The following FRK variants were observed in gnomAD, a reference collection of about 807,000 sequenced individuals.
The protein encoded by FRK is tyrosine-protein kinase FRK.
Under a neutral mutation model 56.4 loss-of-function variants are expected in FRK, and 51 were observed. That is an observed-to-expected ratio of 0.90 (90% confidence interval 0.72 to 1.14). The LOEUF (loss-of-function observed/expected upper bound fraction) is 1.14. Among genes scored for constraint, FRK ranks in the 50% most tolerant of loss-of-function variants. The pLI, the probability that FRK is intolerant of heterozygous loss-of-function variation, is 0.00. For missense variants in FRK, 570 were observed against 601.4 expected, an observed-to-expected ratio of 0.95 and a Z score of 0.55; for synonymous variants, 245 against 217.9, an observed-to-expected ratio of 1.12 and a Z score of -1.10.
chr6:116,098,987 G>A, the FRK span, among the ~76,000 whole-genome samples: 1 of 152,096 alleles, frequency 6.6e-6, no homozygotes, highest in African/African-American at 2.4e-5. Context: ...TAAATGATGT[G>A]GACTCTCTAG....
At chr6:116,009,199 G>T (rs977574563) in intron 1 of FRK, among the ~76,000 whole-genome samples, 9 of 152,228 alleles carry the variant, frequency 5.9e-5, no homozygotes, top group African/African-American at 1.7e-4. Flanking sequence ...ACAAGAGTAG[G>T]TTACTGTCTG....
chr6:116,086,819 G>T, the FRK span, among the ~76,000 whole-genome samples: 1 of 152,190 alleles, frequency 6.6e-6, no homozygotes, highest in Non-Finnish European at 1.5e-5. Flanking sequence ...GATATTATGT[G>T]CCAGGTTGTG....
chr6:116,058,275 C>T (rs1026544815), intron 1 of FRK, among the ~76,000 whole-genome samples: 1 of 152,138 alleles, frequency 6.6e-6, no homozygotes, highest in African/African-American at 2.4e-5. Flanking sequence ...TAGATTATCA[C>T]AGAAAGCAAA....
intron 7 of FRK, among the ~76,000 whole-genome samples, 169 bp from the exon 8 acceptor site, chr6:115,942,794 C>G (rs1385537836): frequency 1.3e-5 from 2 of 152,170 alleles, no homozygotes; most frequent in East Asian, 3.9e-4. Flanking sequence ...CTAAATCCTG[C>G]AGCAAGTGAT....
At position 115,931,824 on chromosome 6, in the gene FRK, GT is replaced by G. The variant is rs1411369038; in HGVS notation, c.*10589del. The G allele has an allele frequency of 3.3e-5, 5 of 152,088 alleles. No individual in the cohort carries two copies. The highest frequency in any genetic ancestry group is 9.7e-5 in the African/African-American group (4 of 41,412). 9.4% of individuals were successfully genotyped at this position (152,088 alleles called of 1,614,324 possible). A position where few individuals can be genotyped will look rare whatever the true frequency, so the allele number is the denominator to read the frequency against. On this transcript the variant is annotated 3_prime_UTR_variant, in exon 8 of 8. Transcript: ENST00000606080. ...GTTTCTTCCAAACAGGGCAGTTTTA[GT>G]TGCTTTTAACCACTTTTTCCCAACA...
chr6:116,067,403 A>T, the FRK span, among the ~76,000 whole-genome samples: 178 of 151,728 alleles, frequency 1.2e-3, no homozygotes, highest in African/African-American at 3.9e-3. Context: ...TTATTTATTT[A>T]TTTTTTGCAG....
the FRK span, among the ~76,000 whole-genome samples, chr6:116,089,415 A>G: frequency 6.6e-6 from 1 of 152,338 alleles, no homozygotes; most frequent in South Asian, 2.1e-4. Context: ...GTAAATAAAT[A>G]GTCTTGAATG....
chr6:115,991,436 T>C (rs1413480289), intron 2 of FRK, among the ~76,000 whole-genome samples: 2 of 151,602 alleles, frequency 1.3e-5, no homozygotes, highest in Admixed American at 1.3e-4. Context: ...TTATTTTGAG[T>C]TATGTTCCTT....
chr6:115,937,548 G>C lies in FRK; in HGVS notation c.*4866C>G, dbSNP rs557375690. ...AATGGCAAATTGGATAAAGACTCAA[G>C]ACCCATCAGTGTGCTGTATTCAGGA... On this transcript the variant is annotated 3_prime_UTR_variant, in exon 8 of 8. Coordinates refer to ENST00000606080, the MANE Select transcript of FRK (RefSeq NM_002031.3). 3 of 152,128 alleles carry C rather than the reference G, an allele frequency of 2.0e-5. No homozygotes were observed. In the South Asian group the frequency reaches 6.2e-4, roughly 32 times the overall value. 9.4% of individuals were successfully genotyped at this position (152,128 alleles called of 1,614,324 possible).
At chr6:116,098,249 C>A in the FRK span, among the ~76,000 whole-genome samples, 2 of 151,824 alleles carry the variant, frequency 1.3e-5, no homozygotes, top group Non-Finnish European at 2.9e-5. Context: ...ACAGCTAGGA[C>A]TATAGGTGCC....
At chr6:116,083,994 C>A in the FRK span, among the ~76,000 whole-genome samples, 1 of 151,872 alleles carries the variant, frequency 6.6e-6, no homozygotes, top group South Asian at 2.1e-4. Context: ...TATATATTCA[C>A]AGAAAAATAA....
At chr6:115,976,489 CAATT>C (rs1773995920) in intron 2 of FRK, among the ~76,000 whole-genome samples, 2 of 152,234 alleles carry the variant, frequency 1.3e-5, no homozygotes, top group African/African-American at 4.8e-5. Flanking sequence ...ATTGGTATAA[CAATT>C]AGTTTGGTGT....
At chr6:116,039,356 C>T in intron 1 of FRK, 6 of 1,452,798 alleles carry the variant, frequency 4.1e-6, no homozygotes, top group South Asian at 1.1e-5. Flanking sequence ...TGGCTCAGAG[C>T]ACCCGTATCC....
At chr6:115,942,650 C>T in intron 7 of FRK, 25 bp from the exon 8 acceptor site, 1 of 1,577,558 alleles carries the variant, frequency 6.3e-7, no homozygotes, top group Admixed American at 1.7e-5. Flanking sequence ...ACGAAACCAA[C>T]AACAACAAAA....
intron 1 of FRK, among the ~76,000 whole-genome samples, chr6:116,050,774 G>A (rs970658736): frequency 2.6e-5 from 4 of 152,112 alleles, no homozygotes; most frequent in Non-Finnish European, 5.9e-5. Flanking sequence ...CATACAAAAA[G>A]TTTGTTGAAT....
the FRK span, among the ~76,000 whole-genome samples, chr6:116,066,248 C>A: frequency 2.0e-5 from 3 of 152,096 alleles, no homozygotes; most frequent in Non-Finnish European, 4.4e-5. Flanking sequence ...GCGAGACTGG[C>A]CTAGCCTCCC....
At chr6:116,005,662 T>C (rs1433249532) in intron 1 of FRK, among the ~76,000 whole-genome samples, 1 of 152,152 alleles carries the variant, frequency 6.6e-6, no homozygotes, top group Admixed American at 6.5e-5. Flanking sequence ...ACCATGGAAG[T>C]CATGGAAACC....
At chr6:116,069,261 A>G in the FRK span, among the ~76,000 whole-genome samples, 1 of 152,066 alleles carries the variant, frequency 6.6e-6, no homozygotes, top group African/African-American at 2.4e-5. Flanking sequence ...CTCTTTTGAT[A>G]TTTCACCAAG....
chr6:116,099,892 A>C, the FRK span, among the ~76,000 whole-genome samples: 1 of 152,254 alleles, frequency 6.6e-6, no homozygotes, highest in African/African-American at 2.4e-5. Flanking sequence ...TTTTCTTTTT[A>C]AAATGAGGTA....
Sources: gnomAD v4.1 joint callset for allele counts (sites outside exome capture counted in the v4.1 genomes callset) on GRCh38, gnomAD v4.1.1 for gene constraint, MANE v1.5 for transcripts, NCBI Gene and HGNC (gene_info 2026-07-23, HGNC 2026-07-21) for gene names.